The following GALNT13 variants were observed in gnomAD, a reference collection of about 807,000 sequenced individuals.
The protein encoded by GALNT13 is UDP-GalNAc:polypeptide N-acetylgalactosaminyltransferase 13.
GALNT13 carries 28 observed loss-of-function variants against 64.2 expected under a neutral mutation model. That is an observed-to-expected ratio of 0.44 (90% CI 0.32 to 0.60). The LOEUF is 0.60. GALNT13 is among the 20% of genes least tolerant of loss of function. GALNT13 has a pLI of 0.05. For synonymous variants in GALNT13, 214 were observed against 224.6 expected, an observed-to-expected ratio of 0.95 and a Z score of 0.42; for missense variants, 577 against 669.8, an observed-to-expected ratio of 0.86 and a Z score of 1.53.
At chr2:153,086,607 G>C in the GALNT13 span, among the ~76,000 whole-genome samples, 1 of 152,102 alleles carries the variant, frequency 6.6e-6, no homozygotes, top group African/African-American at 2.4e-5. Flanking sequence ...GCTGAATTGT[G>C]AGTCAATTAA....
chr2:154,397,719 G>A (rs1358175219), intron 10 of GALNT13, among the ~76,000 whole-genome samples: 1 of 152,090 alleles, frequency 6.6e-6, no homozygotes, highest in East Asian at 1.9e-4. Flanking sequence ...CCATATTCAT[G>A]CCTTATTGTC....
At chr2:154,167,375 G>A (rs536009824) in intron 4 of GALNT13, among the ~76,000 whole-genome samples, 1 of 152,142 alleles carries the variant, frequency 6.6e-6, no homozygotes, top group South Asian at 2.1e-4. Flanking sequence ...TTTTAAAATT[G>A]TATTCTTCTA....
At chr2:153,105,040 C>T in the GALNT13 span, among the ~76,000 whole-genome samples, 91 of 114,300 alleles carry the variant, frequency 8.0e-4, no homozygotes, top group African/African-American at 2.9e-3. Context: ...CCCCCCTCCC[C>T]CCACCCGACA....
At chr2:154,083,555 T>G (rs1158760341) in intron 3 of GALNT13, among the ~76,000 whole-genome samples, 3 of 151,704 alleles carry the variant, frequency 2.0e-5, no homozygotes, top group Non-Finnish European at 2.9e-5. Context: ...CATGGAATGT[T>G]TTTTCATTTG....
At chr2:153,257,345 C>T in the GALNT13 span, among the ~76,000 whole-genome samples, 5 of 152,050 alleles carry the variant, frequency 3.3e-5, no homozygotes, top group African/African-American at 1.2e-4. Flanking sequence ...GACCTGCGCC[C>T]ACTGTCTGGC....
rs1478444207 is a variant in GALNT13, at chr2:154,242,679, A to G, written c.479-19A>G. On this transcript the variant is annotated intron_variant, in intron 5 of 12. Coordinates refer to ENST00000392825, the MANE Select transcript of GALNT13 (RefSeq NM_052917.4). ...ACAGTTTCAAAAATTTTTCTTATAA[A>G]TTCTTATACATGTTACAGATTTTCT... 5 of 1,555,084 alleles carry G rather than the reference A, an allele frequency of 3.2e-6. No homozygotes were observed. Among genetic ancestry groups the G allele is most frequent in the Admixed American group, 3.4e-5 (2 of 58,122 alleles).
At chr2:153,714,032 GC>G in the GALNT13 span, among the ~76,000 whole-genome samples, 2 of 152,232 alleles carry the variant, frequency 1.3e-5, no homozygotes, top group East Asian at 1.9e-4. Flanking sequence ...GTTCCCAGGG[GC>G]TATGCTGAGG....
the GALNT13 span, among the ~76,000 whole-genome samples, chr2:153,589,187 C>T: frequency 6.6e-6 from 1 of 152,114 alleles, no homozygotes. Flanking sequence ...ACTAAATCAC[C>T]TCTCTCAAGT....
chr2:153,397,621 G>T, the GALNT13 span, among the ~76,000 whole-genome samples: 1 of 151,896 alleles, frequency 6.6e-6, no homozygotes, highest in Admixed American at 6.6e-5. Flanking sequence ...CTTTGTTGTC[G>T]GGAGGGAAGG....
the GALNT13 span, among the ~76,000 whole-genome samples, chr2:153,614,693 T>C: frequency 6.6e-5 from 10 of 152,268 alleles, no homozygotes; most frequent in South Asian, 2.1e-4. Flanking sequence ...GTAGAATTGC[T>C]ATTAATCCAT....
the GALNT13 span, among the ~76,000 whole-genome samples, chr2:153,258,250 A>G: frequency 3.9e-5 from 6 of 152,322 alleles, no homozygotes; most frequent in African/African-American, 7.2e-5. Flanking sequence ...CAGTCCTATC[A>G]TGATTTACTT....
the GALNT13 span, among the ~76,000 whole-genome samples, chr2:153,132,167 G>T: frequency 1.3e-5 from 2 of 152,158 alleles, no homozygotes; most frequent in Non-Finnish European, 2.9e-5. Flanking sequence ...ACCAATACCA[G>T]CTCAGAAGAG....
chr2:154,317,782 A>G (rs942197358), intron 9 of GALNT13, among the ~76,000 whole-genome samples: 2 of 152,104 alleles, frequency 1.3e-5, no homozygotes, highest in East Asian at 3.9e-4. Context: ...AATAAATTAC[A>G]TAGTCATTCT....
chr2:153,132,164 C>T, the GALNT13 span, among the ~76,000 whole-genome samples: 1,100 of 152,264 alleles, frequency 7.2e-3, 3 homozygotes, highest in African/African-American at 0.012. Flanking sequence ...AGGACCAATA[C>T]CAGCTCAGAA....
At chr2:153,648,499 T>G in the GALNT13 span, among the ~76,000 whole-genome samples, 279 of 152,290 alleles carry the variant, frequency 1.8e-3, 1 homozygote, top group African/African-American at 6.2e-3. Context: ...CTTCCAACAC[T>G]ATGTTGAATA....
At chr2:153,110,909 T>C in the GALNT13 span, among the ~76,000 whole-genome samples, 1 of 152,178 alleles carries the variant, frequency 6.6e-6, no homozygotes, top group African/African-American at 2.4e-5. Flanking sequence ...AACAAGGTTC[T>C]TTCAAGGAAT....
At chr2:153,368,567 TAGGGATA>T in the GALNT13 span, among the ~76,000 whole-genome samples, 1 of 152,122 alleles carries the variant, frequency 6.6e-6, no homozygotes, top group African/African-American at 2.4e-5. Flanking sequence ...AGGGTATTAT[TAGGGATA>T]AAGAAGGTCA....
the GALNT13 span, among the ~76,000 whole-genome samples, chr2:153,097,293 A>G: frequency 2.8e-4 from 42 of 152,194 alleles, no homozygotes; most frequent in African/African-American, 9.6e-4. Flanking sequence ...GGATAAGAGT[A>G]GTTTACACAG....
At chr2:153,614,514 G>C in the GALNT13 span, among the ~76,000 whole-genome samples, 1 of 152,074 alleles carries the variant, frequency 6.6e-6, no homozygotes, top group South Asian at 2.1e-4. Flanking sequence ...AACTCCTTGA[G>C]TCAGAGAAAG....
Sources: allele counts gnomAD v4.1 joint callset (sites outside exome capture counted in the v4.1 genomes callset), GRCh38; gene constraint gnomAD v4.1.1; transcripts MANE v1.5; gene names NCBI Gene and HGNC (gene_info 2026-07-23, HGNC 2026-07-21).